The following SPA17 variants were observed in gnomAD, a reference collection of about 807,000 sequenced individuals.
The protein encoded by SPA17 is sperm surface protein Sp17.
In SPA17, 7 loss-of-function variants were observed where a neutral mutation model predicts 13.8. The ratio of observed to expected loss-of-function variants is 0.51; its 90% CI spans 0.29 to 0.95. SPA17 has a LOEUF of 0.95. Ranked by LOEUF, SPA17 falls within the 40% of genes least tolerant of loss-of-function variation. The probability of loss-of-function intolerance (pLI) is 0.08; values close to 1 mark genes in which losing one functional copy is unlikely to be tolerated. For missense variants in SPA17, 170 were observed against 179.3 expected (o/e 0.95, Z 0.30); for synonymous variants, 61 against 59.0 (o/e 1.03, Z -0.16).
At chr11:124,677,260 TCA>T (rs1225556985) in intron 2 of SPA17, among the ~76,000 whole-genome samples, 3 of 152,064 alleles carry the variant, frequency 2.0e-5, no homozygotes, top group African/African-American at 7.2e-5. Context: ...AAAAAAACAA[TCA>T]TTATGGACCT....
At chr11:124,690,258 T>C (rs1312747948) in intron 3 of SPA17, among the ~76,000 whole-genome samples, 1 of 152,224 alleles carries the variant, frequency 6.6e-6, no homozygotes, top group African/African-American at 2.4e-5. Flanking sequence ...GTGGGATGTA[T>C]ACACAATGGA....
intron 4 of SPA17, among the ~76,000 whole-genome samples, chr11:124,693,368 G>C (rs1943641493): frequency 6.6e-6 from 1 of 151,920 alleles, no homozygotes; most frequent in South Asian, 2.1e-4. Flanking sequence ...AAAAAGAATG[G>C]GGAGAGTTAT....
At chr11:124,684,975 T>G (rs1204992947) in intron 3 of SPA17, among the ~76,000 whole-genome samples, 1 of 152,092 alleles carries the variant, frequency 6.6e-6, no homozygotes, top group Non-Finnish European at 1.5e-5. Context: ...GTTTGGAAAA[T>G]TTGCAGCCTG....
intron 2 of SPA17, among the ~76,000 whole-genome samples, chr11:124,676,935 A>G (rs1276487645): frequency 6.6e-6 from 1 of 152,238 alleles, no homozygotes; most frequent in Non-Finnish European, 1.5e-5. Flanking sequence ...TTGGGAAAAG[A>G]GGTGAATTAT....
At position 124,675,355 on chromosome 11, in the gene SPA17, C is replaced by A. The variant is rs745950141; in HGVS notation, c.91C>A (p.Gln31Lys). The change falls in exon 2 of 5, where the codon CAA becomes AAA. Residue 31 changes from glutamine (Q) to lysine (K), a missense_variant. Transcript: ENST00000227135. Reference protein sequence around the residue: ...EGLTREILREQPDNIPAFAAA... With the variant: ...EGLTREILREKPDNIPAFAAA... Reference sequence around the variant, plus strand: ...GCTGACACGCGAGATTCTGAGAGAGCAACCGGACAATATACCAGCTTTTGC... The same window carrying A: ...GCTGACACGCGAGATTCTGAGAGAGAAACCGGACAATATACCAGCTTTTGC... 5.0e-6 allele frequency: 8 copies of A among 1,614,184 alleles called. No homozygotes were observed. The highest frequency in any genetic ancestry group is 3.4e-6 in the Non-Finnish European group (4 of 1,180,032).
Position 124,681,081 on chromosome 11 carries a change from CATTTAT to C in SPA17, c.155-302_155-297del, listed in dbSNP as rs574655513. On this transcript the variant is annotated intron_variant, in intron 2 of 4. Coordinates refer to ENST00000227135, the MANE Select transcript of SPA17 (RefSeq NM_017425.4). ...TACTAATACATGTTCTAAGTGTCTA[CATTTAT>C]ATTTAAGTACTGGCATTTGTTCTTT... Among the ~76,000 whole-genome samples the C allele has an allele frequency of 1.8e-3, 277 of 152,206 alleles. 1 individual carries two copies. Among genetic ancestry groups the C allele is most frequent in the African/African-American group, 4.7e-3 (194 of 41,554 alleles).
At chr11:124,679,537 C>G (rs1212956650) in intron 2 of SPA17, among the ~76,000 whole-genome samples, 1 of 152,130 alleles carries the variant, frequency 6.6e-6, no homozygotes, top group Non-Finnish European at 1.5e-5. Flanking sequence ...TGAAAAATAT[C>G]AGTGTGACCT....
intron 3 of SPA17, among the ~76,000 whole-genome samples, chr11:124,686,190 T>TC (rs375573483): frequency 6.7e-5 from 5 of 74,912 alleles, no homozygotes; most frequent in Admixed American, 2.6e-4. Context: ...GAATCATGGG[T>TC]GGGGGGGGGG....
chr11:124,690,356 C>G (rs1255475280), intron 3 of SPA17, among the ~76,000 whole-genome samples: 1 of 152,094 alleles, frequency 6.6e-6, no homozygotes, highest in Non-Finnish European at 1.5e-5. Context: ...GTGAAACAAG[C>G]CAGGCACAGA....
At chr11:124,687,321 A>G (rs1049465738) in intron 3 of SPA17, among the ~76,000 whole-genome samples, 3 of 152,108 alleles carry the variant, frequency 2.0e-5, no homozygotes, top group Non-Finnish European at 4.4e-5. Context: ...ACCACCAAAA[A>G]AAAAGCCCAG....
chr11:124,683,688 A>G (rs560484431), intron 3 of SPA17, among the ~76,000 whole-genome samples: 187 of 152,228 alleles, frequency 1.2e-3, no homozygotes, highest in African/African-American at 4.2e-3. Context: ...TAGTTACATT[A>G]GGTAAAACAG....
chr11:124,686,581 T>C (rs1943580999), intron 3 of SPA17, among the ~76,000 whole-genome samples: 1 of 152,178 alleles, frequency 6.6e-6, no homozygotes. Flanking sequence ...AAAGTCAAAA[T>C]AATATCAAGT....
intron 1 of SPA17, chr11:124,674,757 C>T (rs1328993616): frequency 2.0e-5 from 3 of 153,772 alleles, no homozygotes; most frequent in African/African-American, 7.2e-5. Context: ...GGTCATGCTT[C>T]AGAAGTGGCA....
chr11:124,674,238 G>A (rs1943426674), intron 1 of SPA17: 1 of 152,226 alleles, frequency 6.6e-6, no homozygotes, highest in Non-Finnish European at 1.5e-5. Context: ...TGCTCCCTCA[G>A]AAAAAGCAAA....
chr11:124,692,447 G>A (rs1227575586), intron 4 of SPA17, among the ~76,000 whole-genome samples: 4 of 152,114 alleles, frequency 2.6e-5, no homozygotes, highest in Non-Finnish European at 5.9e-5. Context: ...GGGCATGGTG[G>A]CGGGCGCCTG....
rs376355489 is a variant in SPA17, at chr11:124,678,810, G to A, written c.155-2579G>A. On this transcript the variant is annotated intron_variant, in intron 2 of 4. Transcript: ENST00000227135. ...CTTGAACTCCTGAGCTCAAGCATCC[G>A]CCAGCCTCCGCCTCCTAAAGTTCTG... Among the ~76,000 whole-genome samples the A allele has an allele frequency of 1.4e-4, 22 of 152,012 alleles. No individual in the cohort carries two copies. The South Asian group carries it at 2.3e-3, about 16-fold the overall frequency.
chr11:124,681,343 T>G, intron 2 of SPA17, 46 bp from the exon 3 acceptor site: 1 of 1,453,920 alleles, frequency 6.9e-7, no homozygotes, highest in Non-Finnish European at 9.4e-7. Context: ...ACATTTACCT[T>G]AATGAATTCA....
chr11:124,675,060 T>G (rs1193608301), intron 1 of SPA17, 178 bp from the exon 2 acceptor site: 3 of 544,708 alleles, frequency 5.5e-6, no homozygotes, highest in Admixed American at 7.2e-5. Context: ...TGTATTATAC[T>G]AATTCACAAT....
chr11:124,689,017 T>C lies in SPA17; in HGVS notation c.226-2679T>C, dbSNP rs78285719. Among the ~76,000 whole-genome samples the C allele has an allele frequency of 0.01, 1,595 of 152,228 alleles. 105 individuals are homozygous for C. In the East Asian group the frequency reaches 0.19, roughly 18 times the overall value. On this transcript the variant is annotated intron_variant, in intron 3 of 4. Transcript: ENST00000227135. ...GAGCCAGAAATAAAGCATATACATA[T>C]AGCTAACTGATCTTTAGCAAAGCTG...
Sources: allele counts gnomAD v4.1 joint callset (sites outside exome capture counted in the v4.1 genomes callset), GRCh38; gene constraint gnomAD v4.1.1; transcripts MANE v1.5; gene names NCBI Gene and HGNC (gene_info 2026-07-23, HGNC 2026-07-21).